Variants in IQCM observed in about 807,000 individuals in gnomAD.
IQCM encodes IQ domain-containing protein M.
In IQCM, 45 loss-of-function variants were observed where a neutral mutation model predicts 57.6. The ratio of observed to expected loss-of-function variants is 0.78; its 90% CI spans 0.62 to 1.00. The LOEUF is 1.00. Among genes scored for constraint, IQCM ranks in the 50% least tolerant of loss-of-function variants. The pLI, the probability that IQCM is intolerant of heterozygous loss-of-function variation, is 0.00. For missense variants in IQCM, 468 were observed against 511.6 expected, an observed-to-expected ratio of 0.91 and a Z score of 0.82; for synonymous variants, 148 against 158.9, an observed-to-expected ratio of 0.93 and a Z score of 0.51.
At chr4:149,378,169 G>A (rs532523932) in intron 13 of IQCM, among the ~76,000 whole-genome samples, 1 of 152,192 alleles carries the variant, frequency 6.6e-6, no homozygotes, top group Admixed American at 6.6e-5. Flanking sequence ...CAGCCACACA[G>A]AACTGTGAGT....
At chr4:149,588,716 G>T (rs944516027) in intron 8 of IQCM, among the ~76,000 whole-genome samples, 1 of 151,632 alleles carries the variant, frequency 6.6e-6, no homozygotes, top group Non-Finnish European at 1.5e-5. Flanking sequence ...CCAACCCCAC[G>T]GACACCTTAA....
rs138422855 is a variant in IQCM at position 149,721,161 on chromosome 4, A to G, written c.385+12083T>C. Among the ~76,000 whole-genome samples, 84 of 152,320 alleles carry G rather than the reference A, an allele frequency of 5.5e-4. 2 individuals are homozygous for G. In the East Asian group the frequency reaches 0.015, roughly 27 times the overall value. Reference sequence around the variant, plus strand: ...AAAAAATAATACAATTTAAAAAACAATACAACCACTATTTACATGGGATTT... The same window carrying G: ...AAAAAATAATACAATTTAAAAAACAGTACAACCACTATTTACATGGGATTT... On this transcript the variant is annotated intron_variant, in intron 5 of 13. Transcript: ENST00000636793.
intron 12 of IQCM, among the ~76,000 whole-genome samples, chr4:149,516,556 AGGGCT>A (rs1302344784): frequency 6.6e-6 from 1 of 152,176 alleles, no homozygotes; most frequent in Non-Finnish European, 1.5e-5. Flanking sequence ...AATACTTTTC[AGGGCT>A]GGAGCAAAGT....
intron 5 of IQCM, among the ~76,000 whole-genome samples, chr4:149,687,809 AAATGTG>A (rs1762655383): frequency 1.3e-5 from 2 of 151,974 alleles, no homozygotes; most frequent in Admixed American, 6.6e-5. Context: ...GCAAGTCAAT[AAATGTG>A]ATACACCACA....
intron 12 of IQCM, among the ~76,000 whole-genome samples, chr4:149,491,354 A>G (rs1441364588): frequency 6.6e-6 from 1 of 152,132 alleles, no homozygotes; most frequent in African/African-American, 2.4e-5. Flanking sequence ...TATAGTCACC[A>G]TCTTGTGCAA....
At chr4:149,716,061 C>G (rs1764965943) in intron 5 of IQCM, among the ~76,000 whole-genome samples, 1 of 152,222 alleles carries the variant, frequency 6.6e-6, no homozygotes, top group Non-Finnish European at 1.5e-5. Flanking sequence ...AGGCCATCCC[C>G]AGCTCGAAGG....
In IQCM at chr4:149,815,582, T is replaced by C. The variant is rs1027487090; in HGVS notation, c.-87+18A>G. ...AATTAATACTACTTAAGCCAATTGA[T>C]AGTATTTAATTACTTACCTTTCTGC... On this transcript the variant is annotated intron_variant, in intron 1 of 13. Coordinates refer to ENST00000636793, the MANE Select transcript of IQCM (RefSeq NM_001363507.2). 4 of 152,128 alleles carry C rather than the reference T, an allele frequency of 2.6e-5. No homozygotes were observed. The South Asian group carries it at 8.3e-4, about 31-fold the overall frequency. The allele number at this position is 152,128 out of a possible 1,614,324, so 9.4% of individuals were successfully genotyped here.
intron 7 of IQCM, among the ~76,000 whole-genome samples, chr4:149,664,591 T>C (rs1364363002): frequency 6.6e-6 from 1 of 152,156 alleles, no homozygotes; most frequent in Non-Finnish European, 1.5e-5. Flanking sequence ...ATTGTCTCAA[T>C]GGCTAAGATG....
intron 2 of IQCM, among the ~76,000 whole-genome samples, chr4:149,751,315 T>C (rs1047886793): frequency 8.5e-5 from 13 of 152,212 alleles, no homozygotes; most frequent in African/African-American, 2.7e-4. Context: ...TTCTGCTCTC[T>C]GACTGAACTC....
chr4:149,723,221 A>G (rs1266989669), intron 5 of IQCM, among the ~76,000 whole-genome samples: 2 of 152,020 alleles, frequency 1.3e-5, no homozygotes, highest in African/African-American at 4.8e-5. Flanking sequence ...ATAAGATCAT[A>G]TCATCAGCAA....
chr4:149,554,325 T>A (rs2149910770), intron 10 of IQCM, among the ~76,000 whole-genome samples: 1 of 152,314 alleles, frequency 6.6e-6, no homozygotes, highest in Non-Finnish European at 1.5e-5. Context: ...TCTACATTCC[T>A]TTTAATTTAG....
intron 5 of IQCM, among the ~76,000 whole-genome samples, chr4:149,690,094 A>C (rs527652565): frequency 4.4e-4 from 67 of 152,316 alleles, no homozygotes; most frequent in Non-Finnish European, 8.1e-4. Context: ...TCATCATACG[A>C]AAAAGATACT....
At chr4:149,725,241 C>G (rs533682441) in intron 5 of IQCM, among the ~76,000 whole-genome samples, 260 of 152,202 alleles carry the variant, frequency 1.7e-3, no homozygotes, top group African/African-American at 5.1e-3. Flanking sequence ...TTTGTCTGGG[C>G]TGTCTGAGCA....
chr4:149,713,818 AC>A (rs1259717791), intron 5 of IQCM, among the ~76,000 whole-genome samples: 1 of 152,192 alleles, frequency 6.6e-6, no homozygotes, highest in Non-Finnish European at 1.5e-5. Flanking sequence ...TCTTATAGAT[AC>A]TGTTCCAGCA....
chr4:149,580,953 C>G (rs749934975), intron 9 of IQCM, among the ~76,000 whole-genome samples: 2 of 151,578 alleles, frequency 1.3e-5, no homozygotes, highest in Non-Finnish European at 3.0e-5. Flanking sequence ...TGAAGATACC[C>G]TGTTGAATAA....
At chr4:149,565,513 T>C (rs1311151233) in intron 9 of IQCM, among the ~76,000 whole-genome samples, 1 of 152,172 alleles carries the variant, frequency 6.6e-6, no homozygotes, top group Non-Finnish European at 1.5e-5. Flanking sequence ...ATATTGTATG[T>C]CATTTGAACA....
At chr4:149,689,740 T>G (rs1416489489) in intron 5 of IQCM, among the ~76,000 whole-genome samples, 3 of 151,488 alleles carry the variant, frequency 2.0e-5, no homozygotes, top group Admixed American at 6.6e-5. Flanking sequence ...AAGAAAAAAA[T>G]ACAAAATCCC....
intron 12 of IQCM, among the ~76,000 whole-genome samples, chr4:149,443,468 T>G (rs913095936): frequency 6.6e-6 from 1 of 151,994 alleles, no homozygotes; most frequent in Non-Finnish European, 1.5e-5. Context: ...AGAAAAATAC[T>G]TATAAAGTTC....
chr4:149,486,572 C>A (rs973867035), intron 12 of IQCM, among the ~76,000 whole-genome samples: 1 of 152,144 alleles, frequency 6.6e-6, no homozygotes, highest in African/African-American at 2.4e-5. Flanking sequence ...ATGGTGAAAC[C>A]ATGTCTCTAC....
Sources: gnomAD v4.1 joint callset for allele counts (sites outside exome capture counted in the v4.1 genomes callset) on GRCh38, gnomAD v4.1.1 for gene constraint, MANE v1.5 for transcripts, NCBI Gene and HGNC (gene_info 2026-07-23, HGNC 2026-07-21) for gene names.